Variants in CCDC198 observed in about 807,000 individuals in gnomAD.
The protein encoded by CCDC198 is factor associated with metabolism and energy.
In CCDC198, 18 loss-of-function variants were observed where a neutral mutation model predicts 35.6. The observed-to-expected ratio is 0.51, with a 90% CI of 0.35 to 0.75. CCDC198 has a LOEUF of 0.75. CCDC198 is among the 30% of genes least tolerant of loss of function. The pLI, the probability that CCDC198 is intolerant of heterozygous loss-of-function variation, is 0.01. For missense variants in CCDC198, 365 were observed against 343.7 expected (o/e 1.06, Z -0.49); for synonymous variants, 119 against 113.4 (o/e 1.05, Z -0.31).
chr14:57,471,206 G>C lies in CCDC198; in HGVS notation c.*149C>G. 1 of 613,810 alleles carries C rather than the reference G, an allele frequency of 1.6e-6. No homozygotes were observed. Among genetic ancestry groups the C allele is most frequent in the Non-Finnish European group, 2.8e-6 (1 of 356,332 alleles). The allele number at this position is 613,810 out of a possible 1,614,324, so 38.0% of individuals were successfully genotyped here. A position where few individuals can be genotyped will look rare whatever the true frequency, so the allele number is the denominator to read the frequency against. ...GCAATAGTTAACAGCACATGTGACGGACTTGTTAATCATAAGACTCTAAAG... is the reference window on the plus strand; with the variant it reads ...GCAATAGTTAACAGCACATGTGACGCACTTGTTAATCATAAGACTCTAAAG... On this transcript the variant is annotated 3_prime_UTR_variant, in exon 6 of 6. Coordinates refer to ENST00000216445, the MANE Select transcript of CCDC198 (RefSeq NM_018168.4).
chr14:57,490,009 A>T (rs1030511508), intron 2 of CCDC198, among the ~76,000 whole-genome samples: 5 of 152,136 alleles, frequency 3.3e-5, no homozygotes, highest in Admixed American at 3.3e-4. Context: ...TTGGGAAAAG[A>T]TACTCTTTTG....
intron 5 of CCDC198, chr14:57,480,191 A>G (rs2139499522): frequency 6.3e-6 from 5 of 789,506 alleles, no homozygotes; most frequent in Non-Finnish European, 7.7e-6. Flanking sequence ...GGGTGCAGTC[A>G]GGAAGATAAG....
intron 5 of CCDC198, among the ~76,000 whole-genome samples, chr14:57,474,768 A>G (rs950155422): frequency 6.6e-6 from 1 of 152,228 alleles, no homozygotes; most frequent in African/African-American, 2.4e-5. Context: ...AGCAGAGTAA[A>G]GGAAAGTGTA....
intron 2 of CCDC198, among the ~76,000 whole-genome samples, chr14:57,486,366 A>G (rs1223528741): frequency 6.6e-6 from 1 of 152,162 alleles, no homozygotes; most frequent in African/African-American, 2.4e-5. Context: ...ACAGCTAGAA[A>G]GTGGCATCTC....
chr14:57,482,505 A>G (rs1175515205), intron 3 of CCDC198, among the ~76,000 whole-genome samples: 1 of 152,192 alleles, frequency 6.6e-6, no homozygotes, highest in Non-Finnish European at 1.5e-5. Flanking sequence ...AGGAGTGGAA[A>G]GTGTTGAAAA....
chr14:57,472,149 T>C (rs988433209), intron 5 of CCDC198, among the ~76,000 whole-genome samples: 4 of 152,324 alleles, frequency 2.6e-5, no homozygotes, highest in South Asian at 2.1e-4. Flanking sequence ...TTGCTGTTTG[T>C]GTTTTAATCT....
intron 5 of CCDC198, among the ~76,000 whole-genome samples, chr14:57,473,157 C>T (rs558651335): frequency 6.6e-6 from 1 of 152,280 alleles, no homozygotes. Flanking sequence ...TGTGAGAATT[C>T]ATGCCTTGTG....
At chr14:57,482,945 G>C (rs1041742224) in intron 3 of CCDC198, 120 bp downstream of exon 3, 1 of 1,367,284 alleles carries the variant, frequency 7.3e-7, no homozygotes, top group African/African-American at 1.4e-5. Context: ...TTAACAGTTT[G>C]ATTTGTCTTT....
chr14:57,478,294 G>A (rs2067068112), intron 5 of CCDC198: 3 of 209,396 alleles, frequency 1.4e-5, no homozygotes, highest in Admixed American at 6.5e-5. Flanking sequence ...TTGGTGTCCT[G>A]GTGGGGCTGT....
At chr14:57,491,894 C>T (rs2067584350) in intron 1 of CCDC198, among the ~76,000 whole-genome samples, 1 of 152,060 alleles carries the variant, frequency 6.6e-6, no homozygotes, top group Non-Finnish European at 1.5e-5. Context: ...TTATGCATCT[C>T]TCTCCTTAAG....
chr14:57,475,788 C>CTTTTTTTTTTTTTTT (rs548486752), intron 5 of CCDC198: 1 of 104,366 alleles, frequency 9.6e-6, no homozygotes, highest in African/African-American at 4.8e-5. Flanking sequence ...CACTTAGCTT[C>CTTTTTTTTTTTTTTT]TTTTTTTTTT....
intron 2 of CCDC198, among the ~76,000 whole-genome samples, chr14:57,483,814 G>T (rs1276926161): frequency 2.6e-5 from 4 of 152,190 alleles, no homozygotes; most frequent in African/African-American, 9.7e-5. Context: ...GGGAGACAAA[G>T]TCTGGTCTCT....
rs994495600 is a variant in CCDC198, at chr14:57,470,806, A to C, written c.*549T>G. On this transcript the variant is annotated 3_prime_UTR_variant, in exon 6 of 6. Transcript: ENST00000216445. ...ACTTTAACCAACAGAACATGGTGGA[A>C]GTGATGCAAAGTCAGTTCTATGACT... is the stretch of plus-strand genomic sequence containing the variant. 2.0e-5 allele frequency: 3 copies of C among 152,762 alleles called. No individual in the cohort carries two copies. The highest frequency in any genetic ancestry group is 4.8e-5 in the African/African-American group (2 of 41,460). The allele number at this position is 152,762 out of a possible 1,614,324, so 9.5% of individuals were successfully genotyped here. A position where few individuals can be genotyped will look rare whatever the true frequency, so the allele number is the denominator to read the frequency against.
chr14:57,482,158 A>T (rs1443930959), intron 3 of CCDC198, among the ~76,000 whole-genome samples: 1 of 152,204 alleles, frequency 6.6e-6, no homozygotes. Flanking sequence ...ATTGCAGTTT[A>T]GGGAGGATTT....
intron 1 of CCDC198, among the ~76,000 whole-genome samples, chr14:57,492,794 CAT>C (rs966001424): frequency 1.1e-4 from 16 of 152,136 alleles, no homozygotes; most frequent in Admixed American, 3.9e-4. Flanking sequence ...ATATAATAAA[CAT>C]ATATTTTTCT....
chr14:57,473,841 C>G (rs2066891656), intron 5 of CCDC198, among the ~76,000 whole-genome samples: 1 of 152,198 alleles, frequency 6.6e-6, no homozygotes, highest in Non-Finnish European at 1.5e-5. Context: ...TGGCCCTGCC[C>G]ATGTCTCCAG....
At chr14:57,489,893 C>T (rs1200150967) in intron 2 of CCDC198, among the ~76,000 whole-genome samples, 1 of 151,998 alleles carries the variant, frequency 6.6e-6, no homozygotes, top group Non-Finnish European at 1.5e-5. Context: ...TTTAAACTGC[C>T]CTGTTTACCT....
Position 57,470,727 on chromosome 14 carries a change from G to A in CCDC198, c.*628C>T, listed in dbSNP as rs2066798667. The A allele has an allele frequency of 6.6e-6, 1 of 152,270 alleles. No homozygotes were observed. The highest frequency in any genetic ancestry group is 6.5e-5 in the Admixed American group (1 of 15,292). The allele number at this position is 152,270 out of a possible 1,614,324, so 9.4% of individuals were successfully genotyped here. On this transcript the variant is annotated 3_prime_UTR_variant, in exon 6 of 6. Transcript: ENST00000216445. ...GATGAACCCCAAAGGACCACACTTT[G>A]GCACTCATGCCCTTGTGTAGTCCTC...
At chr14:57,490,869 G>A in intron 2 of CCDC198, 120 bp downstream of exon 2, 1 of 957,068 alleles carries the variant, frequency 1.0e-6, no homozygotes, top group Non-Finnish European at 1.5e-6. Flanking sequence ...TTTTCTTTAA[G>A]AACATTCTCA....
Sources: allele counts gnomAD v4.1 joint callset (sites outside exome capture counted in the v4.1 genomes callset), GRCh38; gene constraint gnomAD v4.1.1; transcripts MANE v1.5; gene names NCBI Gene and HGNC (gene_info 2026-07-23, HGNC 2026-07-21).